The following PAXBP1 variants were observed in gnomAD, a reference collection of about 807,000 sequenced individuals.
The protein encoded by PAXBP1 is PAX3 and PAX7 binding protein 1, also known as PAX3- and PAX7-binding protein 1.
PAXBP1 carries 44 observed loss-of-function variants against 119.9 expected under a neutral mutation model. That is an observed-to-expected ratio of 0.37 (90% CI 0.29 to 0.47). The LOEUF is 0.47. PAXBP1 is among the 20% of genes least tolerant of loss of function. PAXBP1 has a pLI of 0.99. For missense variants in PAXBP1, 898 were observed against 1,134.1 expected (o/e 0.79, Z 2.99); for synonymous variants, 393 against 406.6 (o/e 0.97, Z 0.40).
chr21:32,748,753 A>G (rs1168556747), intron 10 of PAXBP1, 55 bp from the exon 11 acceptor site: 16 of 1,475,668 alleles, frequency 1.1e-5, no homozygotes, highest in Middle Eastern at 2.4e-4. Flanking sequence ...GTAGGAAAAA[A>G]ACAGTCCAAT....
chr21:32,751,069 A>G, intron 9 of PAXBP1, 37 bp from the exon 10 acceptor site: 2 of 1,612,526 alleles, frequency 1.2e-6, no homozygotes, highest in Non-Finnish European at 1.7e-6. Context: ...ACTAGATAAC[A>G]GAGACTCCTC....
chr21:32,741,485 G>A (rs917105990), intron 15 of PAXBP1: 2 of 764,600 alleles, frequency 2.6e-6, no homozygotes, highest in Non-Finnish European at 2.4e-6. Context: ...AAACATGACT[G>A]GACAAAAAGG....
intron 3 of PAXBP1, among the ~76,000 whole-genome samples, chr21:32,763,405 G>C (rs1053642006): frequency 6.6e-6 from 1 of 152,192 alleles, no homozygotes; most frequent in South Asian, 2.1e-4. Context: ...ACTGGGTCAA[G>C]AGTAAGAACA....
At position 32,762,141 on chromosome 21, in the gene PAXBP1, A is replaced by C; in HGVS notation, c.826T>G (p.Ser276Ala). The change falls in exon 4 of 18, where the codon TCT becomes GCT. Residue 276 changes from serine (S) to alanine (A), a missense_variant. Physicochemically the swap from Ser to Ala is moderately conservative, Grantham distance 99 (BLOSUM62 1). Transcript: ENST00000331923. Reference protein sequence around the residue: ...DDDEKRRIVFSVKEKSQRQKI... With the variant: ...DDDEKRRIVFAVKEKSQRQKI... ...TGTCTTTGTGACTTTTCTTTCACAG[A>C]AAAAACTATCCGGCGTTTCTCATCG... 1 of 1,614,224 alleles carries C rather than the reference A, an allele frequency of 6.2e-7. No homozygotes were observed. The highest frequency in any genetic ancestry group is 8.5e-7 in the Non-Finnish European group (1 of 1,180,032).
intron 2 of PAXBP1, among the ~76,000 whole-genome samples, chr21:32,769,425 A>C (rs527272907): frequency 1.3e-5 from 2 of 152,278 alleles, no homozygotes; most frequent in East Asian, 3.9e-4. Context: ...TCCACTGTGG[A>C]AATACCACCA....
chr21:32,743,882 T>C (rs2043827209), intron 13 of PAXBP1, 128 bp from the exon 14 acceptor site: 4 of 584,492 alleles, frequency 6.8e-6, no homozygotes, highest in Non-Finnish European at 9.1e-6. Context: ...ATTTTCCTCA[T>C]TGAAGACCCT....
At position 32,734,890 on chromosome 21, in the gene PAXBP1, A is replaced by G; in HGVS notation, c.*60T>C. 1.6e-6 allele frequency: 2 copies of G among 1,251,004 alleles called. No homozygotes were observed. The highest frequency in any genetic ancestry group is 2.2e-4 in the Middle Eastern group (1 of 4,614). 77.5% of individuals were successfully genotyped at this position (1,251,004 alleles called of 1,614,324 possible). On this transcript the variant is annotated 3_prime_UTR_variant, in exon 18 of 18. Coordinates refer to ENST00000331923, the MANE Select transcript of PAXBP1 (RefSeq NM_016631.4). ...TTACAGTTTAAGAAACTTTACATAT[A>G]TACAAAATTTACACATTGGGAATGG...
chr21:32,738,392 A>AT, intron 15 of PAXBP1, 73 bp from the exon 16 acceptor site: 1 of 1,257,890 alleles, frequency 7.9e-7, no homozygotes, highest in African/African-American at 1.5e-5. Flanking sequence ...TACATAGTAA[A>AT]ACACCATATG....
intron 15 of PAXBP1, among the ~76,000 whole-genome samples, chr21:32,739,312 T>C (rs184221544): frequency 1.4e-4 from 21 of 152,342 alleles, no homozygotes; most frequent in Admixed American, 7.8e-4. Context: ...TGGCTGAGTT[T>C]GATTCCCATC....
chr21:32,759,804 T>C lies in PAXBP1; in HGVS notation c.1166A>G (p.Asp389Gly), dbSNP rs2044107380. Residue 389 changes from aspartate (D) to glycine (G), a missense_variant, in exon 6 of 18, where the codon GAT becomes GGT. Physicochemically the swap from Asp to Gly is moderately conservative, Grantham distance 94. Around this residue, in one of 2 missense-constraint regions of PAXBP1, gnomAD observed 599 missense variants for 852.7 expected, o/e 0.70. Transcript: ENST00000331923. ...GTCTTTAAGCTGTTTCTTTACCAAA[T>C]CAATAGTAACGGGAGTCATCTCATT... ...PSNEMTPVTI[D>G]LVKKQLKDRL... is the part of the protein sequence containing the mutation. 1 of 1,613,932 alleles carries C rather than the reference T, an allele frequency of 6.2e-7. No homozygotes were observed. The highest frequency in any genetic ancestry group is 1.7e-5 in the Admixed American group (1 of 60,018).
At chr21:32,762,911 C>CAAA (rs763196446) in intron 3 of PAXBP1, among the ~76,000 whole-genome samples, 5 of 47,898 alleles carry the variant, frequency 1.0e-4, no homozygotes, top group South Asian at 1.3e-3. Flanking sequence ...AACTCCGTCT[C>CAAA]AAAAAAAAAA....
chr21:32,736,823 A>G (rs1395884364), intron 17 of PAXBP1, among the ~76,000 whole-genome samples: 1 of 152,198 alleles, frequency 6.6e-6, no homozygotes, highest in Non-Finnish European at 1.5e-5. Flanking sequence ...ACAACCCTTG[A>G]TAAAAATTAG....
At chr21:32,760,512 C>A (rs534409442) in intron 5 of PAXBP1, among the ~76,000 whole-genome samples, 1 of 152,298 alleles carries the variant, frequency 6.6e-6, no homozygotes, top group African/African-American at 2.4e-5. Flanking sequence ...AGATATTTTT[C>A]ATCGATCTCA....
chr21:32,768,948 G>A (rs999675387), intron 2 of PAXBP1, among the ~76,000 whole-genome samples: 5 of 152,010 alleles, frequency 3.3e-5, no homozygotes, highest in Admixed American at 1.3e-4. Flanking sequence ...ATCCATCTTC[G>A]AGTCCCACTT....
At position 32,748,622 on chromosome 21, in the gene PAXBP1, T is replaced by C; in HGVS notation, c.1800A>G (p.Ser600=). Residue 600 remains serine, a synonymous_variant, in exon 11 of 18, where the codon TCA becomes TCG. Coordinates refer to ENST00000331923, the MANE Select transcript of PAXBP1 (RefSeq NM_016631.4). ...ATTTTGAACGCCATGCTTCAAACTG[T>C]GATTTAATACAGTCAATTGAATAGA... The part of the protein sequence containing the change: ...ESFYSIDCIK[S]QFEAWRSKYY... 2 of 1,614,044 alleles carry C rather than the reference T, an allele frequency of 1.2e-6. No individual in the cohort carries two copies. The highest frequency in any genetic ancestry group is 1.7e-4 in the Middle Eastern group (1 of 6,056).
At chr21:32,749,194 A>C (rs1262917715) in intron 10 of PAXBP1, among the ~76,000 whole-genome samples, 1 of 151,888 alleles carries the variant, frequency 6.6e-6, no homozygotes, top group Non-Finnish European at 1.5e-5. Context: ...TTTGCGAATA[A>C]GATTTTTTTT....
intron 1 of PAXBP1, among the ~76,000 whole-genome samples, chr21:32,770,571 T>G (rs1413538145): frequency 6.6e-6 from 1 of 152,214 alleles, no homozygotes; most frequent in Non-Finnish European, 1.5e-5. Flanking sequence ...ACTTAATTTC[T>G]TTTTTCGTAA....
intron 2 of PAXBP1, among the ~76,000 whole-genome samples, chr21:32,767,587 T>C (rs1417628666): frequency 6.6e-6 from 1 of 152,172 alleles, no homozygotes; most frequent in Non-Finnish European, 1.5e-5. Context: ...GGTAACTAAA[T>C]CATGGGGGCT....
intron 8 of PAXBP1, among the ~76,000 whole-genome samples, chr21:32,752,502 C>T (rs557742564): frequency 2.8e-4 from 43 of 152,274 alleles, no homozygotes; most frequent in African/African-American, 1.0e-3. Flanking sequence ...CAAGTTAAGA[C>T]TTGCATATTT....
Sources: gnomAD v4.1 joint callset for allele counts (sites outside exome capture counted in the v4.1 genomes callset) on GRCh38, gnomAD v4.1.1 for gene constraint, gnomAD v4.1.1 regional missense constraint, MANE v1.5 for transcripts, NCBI Gene and HGNC (gene_info 2026-07-23, HGNC 2026-07-21) for gene names.